The following PCBP3 variants were observed in gnomAD, a reference collection of about 807,000 sequenced individuals.
The protein encoded by PCBP3 is poly(rC) binding protein 3.
A neutral mutation model predicts 52.7 loss-of-function variants in PCBP3; 25 were observed. The ratio of observed to expected loss-of-function variants is 0.47; its 90% CI spans 0.35 to 0.66. The LOEUF (loss-of-function observed/expected upper bound fraction) is 0.66, where lower values mean the gene tolerates loss of function less well. Ranked by LOEUF, PCBP3 falls within the 30% of genes least tolerant of loss-of-function variation. The pLI is 0.01. For synonymous variants in PCBP3, 162 were observed against 183.0 expected, an observed-to-expected ratio of 0.89 and a Z score of 0.93; for missense variants, 391 against 490.3, an observed-to-expected ratio of 0.80 and a Z score of 1.91.
At chr21:45,668,579 G>A (rs142511087) in intron 1 of PCBP3, among the ~76,000 whole-genome samples, 2 of 152,008 alleles carry the variant, frequency 1.3e-5, no homozygotes, top group African/African-American at 4.8e-5. Context: ...GGTTGGGGGT[G>A]GGGGGATGGG....
intron 16 of PCBP3, among the ~76,000 whole-genome samples, chr21:45,935,881 T>G (rs1026584026): frequency 6.6e-6 from 1 of 152,168 alleles, no homozygotes; most frequent in East Asian, 1.9e-4. Flanking sequence ...TAAGCACGGG[T>G]CTTGAGGATA....
intron 4 of PCBP3, among the ~76,000 whole-genome samples, chr21:45,792,018 C>G (rs1167752588): frequency 6.6e-6 from 1 of 152,270 alleles, no homozygotes; most frequent in Non-Finnish European, 1.5e-5. Flanking sequence ...TCCTGCTTCT[C>G]CCATTTTCTC....
chr21:45,697,754 C>CA (rs5844246), intron 2 of PCBP3, among the ~76,000 whole-genome samples: 359 of 132,052 alleles, frequency 2.7e-3, no homozygotes, highest in East Asian at 0.011. Flanking sequence ...GACCCTGTCT[C>CA]AAAAAAAAAA....
chr21:45,671,126 G>A (rs770384131), intron 2 of PCBP3, among the ~76,000 whole-genome samples: 41 of 152,222 alleles, frequency 2.7e-4, no homozygotes, highest in Non-Finnish European at 4.0e-4. Flanking sequence ...AATCTGCAGT[G>A]TGTTGTTTGT....
In PCBP3 at chr21:45,868,411, CT is replaced by C. The variant is rs1232045625; in HGVS notation, c.10+18337del. Among the ~76,000 whole-genome samples, 681 of 113,662 alleles carry C rather than the reference CT, an allele frequency of 6.0e-3. 7 individuals are homozygous for C. The highest frequency in any genetic ancestry group is 0.018 in the African/African-American group (544 of 30,566). The allele number at this position is 113,662 out of a possible 152,430, so 74.6% of individuals were successfully genotyped here. A position where few individuals can be genotyped will look rare whatever the true frequency, so the allele number is the denominator to read the frequency against. ...TGGTGTTTGTGTTGACTTATTTGTT[CT>C]TTTTTTTTTTTTTTTTTTTTAAATA... is the stretch of plus-strand genomic sequence containing the variant. On this transcript the variant is annotated intron_variant, in intron 5 of 17. Coordinates refer to ENST00000681687, the MANE Select transcript of PCBP3 (RefSeq NM_001384156.1).
At chr21:45,780,389 G>A (rs996556625) in intron 4 of PCBP3, among the ~76,000 whole-genome samples, 1 of 152,188 alleles carries the variant, frequency 6.6e-6, no homozygotes, top group Admixed American at 6.5e-5. Context: ...GATCTGATGG[G>A]GCTCCAAGGT....
chr21:45,689,264 G>C (rs1358096623), intron 2 of PCBP3, among the ~76,000 whole-genome samples: 1 of 151,780 alleles, frequency 6.6e-6, no homozygotes, highest in South Asian at 2.1e-4. Context: ...GACCAAATGG[G>C]GTTCAACCTA....
chr21:45,879,439 G>A (rs967332562), intron 5 of PCBP3, among the ~76,000 whole-genome samples: 10 of 152,168 alleles, frequency 6.6e-5, no homozygotes, highest in African/African-American at 1.9e-4. Context: ...GATCCATGCC[G>A]AGTGATAGAA....
chr21:45,920,141 G>A (rs545312876), intron 13 of PCBP3, among the ~76,000 whole-genome samples: 1 of 152,314 alleles, frequency 6.6e-6, no homozygotes, highest in Admixed American at 6.5e-5. Context: ...GATGGGGTCA[G>A]GGTTTGTGTT....
At chr21:45,804,607 T>G (rs2092429838) in intron 4 of PCBP3, among the ~76,000 whole-genome samples, 1 of 152,144 alleles carries the variant, frequency 6.6e-6, no homozygotes, top group Admixed American at 6.5e-5. Flanking sequence ...GCCTGGGCTC[T>G]GTTGTCCTTA....
chr21:45,692,566 T>C (rs1166742800), intron 2 of PCBP3, among the ~76,000 whole-genome samples: 1 of 152,080 alleles, frequency 6.6e-6, no homozygotes, highest in African/African-American at 2.4e-5. Context: ...TAAAGCTCAT[T>C]CAAAACAACG....
Position 45,882,017 on chromosome 21 carries a change from C to T in PCBP3, c.11-14191C>T, listed in dbSNP as rs2095416496. ...ACAATCAACACGGGCCTGCATGTGT[C>T]TCCTCACTATAGTGACTTTGGGTAT... On this transcript the variant is annotated intron_variant, in intron 5 of 17. Transcript: ENST00000681687. 2.0e-5 allele frequency among the ~76,000 whole-genome samples: 3 copies of T among 152,136 alleles called. No homozygotes were observed. In the South Asian group the frequency reaches 6.2e-4, roughly 32 times the overall value.
intron 5 of PCBP3, among the ~76,000 whole-genome samples, chr21:45,865,086 G>A (rs1488537710): frequency 1.3e-5 from 2 of 152,178 alleles, no homozygotes; most frequent in Admixed American, 1.3e-4. Flanking sequence ...CATTAAGATG[G>A]GGTAGAAGAA....
intron 13 of PCBP3, among the ~76,000 whole-genome samples, chr21:45,919,949 A>T (rs1215514442): frequency 2.0e-5 from 3 of 152,154 alleles, no homozygotes; most frequent in African/African-American, 7.2e-5. Flanking sequence ...AAGCCAGGGG[A>T]GTCAGAGGCG....
chr21:45,800,379 C>T lies in PCBP3; in HGVS notation c.-126+44927C>T, dbSNP rs1487883297. 6.6e-6 allele frequency among the ~76,000 whole-genome samples: 1 copy of T among 152,208 alleles called. No individual in the cohort carries two copies. Among genetic ancestry groups the T allele is most frequent in the African/African-American group, 2.4e-5 (1 of 41,450 alleles). ...TTCTGTGAAGTGCAGATGATGTCGC[C>T]TTTGTAGACAAAGGAAGAGACCTTG... On this transcript the variant is annotated intron_variant, in intron 4 of 17. Coordinates refer to ENST00000681687, the MANE Select transcript of PCBP3 (RefSeq NM_001384156.1). The surrounding 1 kb of genome is among the most constrained non-coding windows in gnomAD (Gnocchi z 5.3).
chr21:45,744,650 C>T (rs1449267080), intron 3 of PCBP3, among the ~76,000 whole-genome samples: 1 of 152,122 alleles, frequency 6.6e-6, no homozygotes, highest in East Asian at 1.9e-4. Context: ...TTTTAGCATA[C>T]ATTATAATTA....
Position 45,830,505 on chromosome 21 carries a change from A to T in PCBP3, c.-125-19456A>T, listed in dbSNP as rs1569282203. 1 of 152,502 alleles carries T rather than the reference A, an allele frequency of 6.6e-6. No individual in the cohort carries two copies. The highest frequency in any genetic ancestry group is 1.5e-5 in the Non-Finnish European group (1 of 68,142). The allele number at this position is 152,502 out of a possible 1,614,324, so 9.4% of individuals were successfully genotyped here. A position where few individuals can be genotyped will look rare whatever the true frequency, so the allele number is the denominator to read the frequency against. ...GGTGGAGTGAGGCCACTGACGCGGG[A>T]GCCCTGCTGTGGGGGGTGTGTGCGC... On this transcript the variant is annotated intron_variant, in intron 4 of 17. Transcript: ENST00000681687. This position sits in a 1 kb window ranked among gnomAD's most constrained non-coding sequence, Gnocchi z 4.4.
chr21:45,902,752 C>T (rs2096094289), intron 9 of PCBP3, among the ~76,000 whole-genome samples: 1 of 152,264 alleles, frequency 6.6e-6, no homozygotes, highest in South Asian at 2.1e-4. Context: ...GGGACCTTCG[C>T]TCTGCAGGTA....
chr21:45,938,610 G>A (rs550199258), intron 16 of PCBP3, among the ~76,000 whole-genome samples: 21 of 152,340 alleles, frequency 1.4e-4, no homozygotes, highest in Middle Eastern at 6.8e-3. Context: ...TGGACTGCGG[G>A]TGGGGCCTTG....
Sources: allele counts gnomAD v4.1 joint callset (sites outside exome capture counted in the v4.1 genomes callset), GRCh38; gene constraint gnomAD v4.1.1; non-coding constraint Gnocchi (gnomAD v3.1); transcripts MANE v1.5; gene names NCBI Gene and HGNC (gene_info 2026-07-23, HGNC 2026-07-21).